The following ATXN1 variants were observed in gnomAD, a reference collection of about 807,000 sequenced individuals.
ATXN1 encodes the protein ataxin 1, also known as ataxin-1.
ATXN1 carries 8 observed loss-of-function variants against 56.4 expected under a neutral mutation model. The observed-to-expected ratio is 0.14, with a 90% confidence interval of 0.08 to 0.26. The LOEUF (loss-of-function observed/expected upper bound fraction) is 0.26, where lower values mean the gene tolerates loss of function less well. ATXN1 is among the 10% of genes least tolerant of loss of function. The pLI is 1.00. For missense variants in ATXN1, 987 were observed against 1,106.5 expected (o/e 0.89, Z 1.53); for synonymous variants, 514 against 494.6 (o/e 1.04, Z -0.52).
chr6:16,580,024 A>T (rs1762499853), intron 4 of ATXN1, among the ~76,000 whole-genome samples: 1 of 152,218 alleles, frequency 6.6e-6, no homozygotes, highest in African/African-American at 2.4e-5. Flanking sequence ...ATCCTTCTTA[A>T]TACTTTTGGC....
At chr6:16,573,544 T>C (rs1762369008) in intron 4 of ATXN1, among the ~76,000 whole-genome samples, 1 of 152,128 alleles carries the variant, frequency 6.6e-6, no homozygotes, top group Non-Finnish European at 1.5e-5. Flanking sequence ...CGGTTTCAGA[T>C]ATATACACAC....
At chr6:16,438,820 G>A (rs2143453) in intron 6 of ATXN1, among the ~76,000 whole-genome samples, 45,975 of 151,876 alleles carry the variant, frequency 0.3, 7,791 homozygotes, top group Middle Eastern at 0.47. Flanking sequence ...GAAAAATAAG[G>A]TAGTGGCTCT....
intron 7 of ATXN1, among the ~76,000 whole-genome samples, chr6:16,320,275 T>G (rs995723355): frequency 6.6e-6 from 1 of 151,788 alleles, no homozygotes; most frequent in Non-Finnish European, 1.5e-5. Flanking sequence ...AGCCAGTAAG[T>G]ACATCATGAT....
At chr6:16,489,698 A>G (rs1760621524) in intron 5 of ATXN1, among the ~76,000 whole-genome samples, 1 of 152,146 alleles carries the variant, frequency 6.6e-6, no homozygotes, top group Non-Finnish European at 1.5e-5. Context: ...CACACCTGTA[A>G]TCCCAGCACT....
At chr6:16,547,943 C>G (rs1303062787) in intron 4 of ATXN1, among the ~76,000 whole-genome samples, 3 of 152,144 alleles carry the variant, frequency 2.0e-5, no homozygotes, top group Non-Finnish European at 4.4e-5. Context: ...AACACAGATA[C>G]CTCCTCATCC....
At chr6:16,587,893 T>C (rs1046980966) in intron 3 of ATXN1, among the ~76,000 whole-genome samples, 6 of 151,368 alleles carry the variant, frequency 4.0e-5, no homozygotes, top group African/African-American at 1.5e-4. Context: ...ATCGTGCCAT[T>C]GCACTACAGC....
intron 6 of ATXN1, among the ~76,000 whole-genome samples, chr6:16,435,986 C>G (rs922934770): frequency 6.6e-6 from 1 of 152,092 alleles, no homozygotes; most frequent in Non-Finnish European, 1.5e-5. Flanking sequence ...CAATCTCCAC[C>G]TCCCGGGTTC....
intron 2 of ATXN1, among the ~76,000 whole-genome samples, chr6:16,744,884 C>T (rs1391071385): frequency 1.3e-5 from 2 of 152,164 alleles, no homozygotes; most frequent in Non-Finnish European, 2.9e-5. Flanking sequence ...AAAGCATCAT[C>T]ACTGAAATGA....
intron 4 of ATXN1, among the ~76,000 whole-genome samples, chr6:16,526,987 T>C (rs573809979): frequency 4.1e-5 from 6 of 144,732 alleles, no homozygotes; most frequent in Non-Finnish European, 9.0e-5. Flanking sequence ...TGAGTGATCC[T>C]AGAAATTAAA....
At chr6:16,663,511 T>C (rs1287410546) in intron 2 of ATXN1, among the ~76,000 whole-genome samples, 1 of 152,160 alleles carries the variant, frequency 6.6e-6, no homozygotes. Context: ...AAATTCTCGC[T>C]GCACTCCTGC....
chr6:16,320,133 C>T (rs970500221), intron 7 of ATXN1, among the ~76,000 whole-genome samples: 2 of 152,128 alleles, frequency 1.3e-5, no homozygotes, highest in African/African-American at 4.8e-5. Context: ...GCTCATGTGC[C>T]GCCTGCATGA....
intron 2 of ATXN1, among the ~76,000 whole-genome samples, chr6:16,744,410 A>G (rs1341924861): frequency 6.6e-6 from 1 of 152,096 alleles, no homozygotes; most frequent in Non-Finnish European, 1.5e-5. Context: ...AGAGACTTGG[A>G]TAATGGTTAG....
At chr6:16,383,956 A>G (rs1352021000) in intron 6 of ATXN1, among the ~76,000 whole-genome samples, 1 of 152,222 alleles carries the variant, frequency 6.6e-6, no homozygotes, top group Non-Finnish European at 1.5e-5. Flanking sequence ...AGACTAGCCA[A>G]TGCCACTTCT....
At chr6:16,526,709 G>C (rs1030025986) in intron 4 of ATXN1, among the ~76,000 whole-genome samples, 2 of 148,750 alleles carry the variant, frequency 1.3e-5, no homozygotes, top group African/African-American at 5.0e-5. Flanking sequence ...AAGCTGCAGT[G>C]AGTCGAGAAT....
intron 6 of ATXN1, among the ~76,000 whole-genome samples, chr6:16,337,930 C>CAA (rs1332278704): frequency 2.0e-5 from 3 of 152,214 alleles, no homozygotes; most frequent in Non-Finnish European, 4.4e-5. Context: ...GAACCTGTCA[C>CAA]TTTGACTCTC....
chr6:16,402,687 T>C (rs1001579972), intron 6 of ATXN1, among the ~76,000 whole-genome samples: 9 of 152,140 alleles, frequency 5.9e-5, no homozygotes, highest in Non-Finnish European at 1.3e-4. Flanking sequence ...CCTGTTCTCA[T>C]TTATTCAACT....
intron 3 of ATXN1, among the ~76,000 whole-genome samples, chr6:16,616,815 T>C (rs78085685): frequency 0.052 from 7,916 of 151,160 alleles, 220 homozygotes; most frequent in South Asian, 0.073. Context: ...AGTCTCCCCA[T>C]AGCCACGGTT....
chr6:16,616,074 T>G (rs1163358710), intron 3 of ATXN1: 1 of 151,912 alleles, frequency 6.6e-6, no homozygotes, highest in Non-Finnish European at 1.5e-5. Flanking sequence ...AAGTCAAGTG[T>G]ATTTGTATCT....
At chr6:16,334,402 A>T (rs1581696571) in intron 6 of ATXN1, among the ~76,000 whole-genome samples, 1 of 152,270 alleles carries the variant, frequency 6.6e-6, no homozygotes, top group East Asian at 1.9e-4. Context: ...ACCATTTGGT[A>T]GGGTTCTTAA....
Sources: allele counts gnomAD v4.1 joint callset (sites outside exome capture counted in the v4.1 genomes callset), GRCh38; gene constraint gnomAD v4.1.1; transcripts MANE v1.5; gene names NCBI Gene and HGNC (gene_info 2026-07-23, HGNC 2026-07-21).